KLC1: variants seen among roughly 807,000 people sequenced by gnomAD.
KLC1 encodes kinesin 2 60/70kDa.
A neutral mutation model predicts 84.2 loss-of-function variants in KLC1; 30 were observed. The ratio of observed to expected loss-of-function variants is 0.36; its 90% CI spans 0.27 to 0.48. The LOEUF is 0.48. Ranked by LOEUF, KLC1 falls within the 20% of genes least tolerant of loss-of-function variation. The probability of loss-of-function intolerance (pLI) is 0.99; values close to 1 mark genes in which losing one functional copy is unlikely to be tolerated. For missense variants in KLC1, 499 were observed against 805.4 expected, an observed-to-expected ratio of 0.62 and a Z score of 4.60; for synonymous variants, 289 against 293.3, an observed-to-expected ratio of 0.99 and a Z score of 0.15.
At chr14:103,667,148 G>A (rs977842548) in intron 5 of KLC1, among the ~76,000 whole-genome samples, 2 of 151,594 alleles carry the variant, frequency 1.3e-5, no homozygotes, top group African/African-American at 4.9e-5. Context: ...TTTCACTCTT[G>A]TTGGCCAGGC....
At chr14:103,689,806 A>G (rs1215002755) in intron 14 of KLC1, among the ~76,000 whole-genome samples, 2 of 152,256 alleles carry the variant, frequency 1.3e-5, no homozygotes, top group African/African-American at 2.4e-5. Flanking sequence ...CAAGAGTGGT[A>G]GGAAGAGACG....
intron 15 of KLC1, chr14:103,696,945 G>A (rs6593): frequency 0.35 from 349,711 of 985,206 alleles, 63,379 homozygotes; most frequent in Middle Eastern, 0.37. Context: ...TCCCTGGGAC[G>A]GGAAGCCCCT....
At chr14:103,629,967 C>A (rs2076548499) in intron 1 of KLC1, among the ~76,000 whole-genome samples, 1 of 152,162 alleles carries the variant, frequency 6.6e-6, no homozygotes, top group East Asian at 1.9e-4. Flanking sequence ...CTGGCTTTGT[C>A]CGATTCCTCC....
At position 103,649,800 on chromosome 14, in the gene KLC1, A is replaced by G. The variant is rs567740938; in HGVS notation, c.-1-4764A>G. On this transcript the variant is annotated intron_variant, in intron 1 of 16. Transcript: ENST00000334553. Reference sequence around the variant, plus strand: ...AAGCTTCGTCTCCCGGGTTCACGCCATTCTCCTGCCTCAGCCTCCGGAGTA... The same window carrying G: ...AAGCTTCGTCTCCCGGGTTCACGCCGTTCTCCTGCCTCAGCCTCCGGAGTA... Among the ~76,000 whole-genome samples the G allele has an allele frequency of 2.7e-5, 4 of 150,432 alleles. No individual in the cohort carries two copies. In the South Asian group the frequency reaches 8.3e-4, roughly 31 times the overall value.
At position 103,699,046 on chromosome 14, in the gene KLC1, G is replaced by A. The variant is rs56225499; in HGVS notation, c.1849-1609G>A. 5.0e-5 allele frequency: 79 copies of A among 1,567,542 alleles called. 1 individual carries two copies. In the African/African-American group the frequency reaches 7.6e-4, roughly 15 times the overall value. ...AGAAACAGGAAGCAGGCAAGCTGGCGCTCAGGCTTGGTGGCCCCGCCCACT... is the reference window on the plus strand; with the variant it reads ...AGAAACAGGAAGCAGGCAAGCTGGCACTCAGGCTTGGTGGCCCCGCCCACT... On this transcript the variant is annotated intron_variant, in intron 15 of 16. Coordinates refer to ENST00000334553, the MANE Select transcript of KLC1 (RefSeq NM_001394837.1).
intron 5 of KLC1, 67 bp from the exon 6 acceptor site, chr14:103,669,444 A>G: frequency 2.0e-6 from 2 of 992,426 alleles, no homozygotes; most frequent in Non-Finnish European, 3.1e-6. Flanking sequence ...AAAAAAAAGA[A>G]AAGAAAAGAA....
chr14:103,673,037 T>C lies in KLC1; in HGVS notation c.1011T>C (p.Asp337=). The C allele has an allele frequency of 1.2e-6, 2 of 1,614,092 alleles. No individual in the cohort carries two copies. Among genetic ancestry groups the C allele is most frequent in the Non-Finnish European group, 1.7e-6 (2 of 1,180,022 alleles). Residue 337 remains aspartate, a synonymous_variant, in exon 8 of 17, where the codon GAT becomes GAC. Coordinates refer to ENST00000334553, the MANE Select transcript of KLC1 (RefSeq NM_001394837.1). ...AGGTTTTGGGGAAGGATCACCCCGA[T>C]GTTGCCAAGCAGTTAAATAACTTGG... The part of the protein sequence containing the change: ...REKVLGKDHP[D]VAKQLNNLAL...
In KLC1 at chr14:103,694,005, A is replaced by T. The variant is rs1358239791; in HGVS notation, c.1848+1580A>T. 1.9e-6 allele frequency: 2 copies of T among 1,038,742 alleles called. No homozygotes were observed. Among genetic ancestry groups the T allele is most frequent in the African/African-American group, 1.7e-5 (1 of 59,052 alleles). The allele number at this position is 1,038,742 out of a possible 1,614,324, so 64.3% of individuals were successfully genotyped here. A position where few individuals can be genotyped will look rare whatever the true frequency, so the allele number is the denominator to read the frequency against. On this transcript the variant is annotated intron_variant, in intron 15 of 16. Coordinates refer to ENST00000334553, the MANE Select transcript of KLC1 (RefSeq NM_001394837.1). The surrounding 1 kb of genome is among the most constrained non-coding windows in gnomAD (Gnocchi z 4.5). ...ATTGTAATATTGTAATAAGGCTGTA[A>T]ATTAAGAATCTGGAAACATAAAGTA...
At chr14:103,680,883 A>G (rs2081291598) in intron 13 of KLC1, among the ~76,000 whole-genome samples, 1 of 152,232 alleles carries the variant, frequency 6.6e-6, no homozygotes, top group East Asian at 1.9e-4. Context: ...CAGTATTTCT[A>G]GGTCCATGTT....
chr14:103,700,397 C>T (rs2083069538), intron 15 of KLC1: 1 of 427,078 alleles, frequency 2.3e-6, no homozygotes, highest in East Asian at 4.0e-5. Flanking sequence ...CATGGCTGGC[C>T]TGGCCTCTGA....
At chr14:103,679,609 T>G in intron 13 of KLC1, 64 bp downstream of exon 13, 1 of 1,267,358 alleles carries the variant, frequency 7.9e-7, no homozygotes. Context: ...TTGCCAGGCC[T>G]TCCTCCTGTC....
At chr14:103,699,385 G>A in intron 15 of KLC1, 1 of 1,610,204 alleles carries the variant, frequency 6.2e-7, no homozygotes, top group Non-Finnish European at 8.5e-7. Context: ...ACAGCACAGG[G>A]CTCTGGAAGG....
At chr14:103,651,451 GTTTAAC>G (rs981016927) in intron 1 of KLC1, among the ~76,000 whole-genome samples, 26 of 152,160 alleles carry the variant, frequency 1.7e-4, no homozygotes, top group African/African-American at 5.8e-4. Context: ...GAGTGTAGGA[GTTTAAC>G]TTTATTTTAT....
At chr14:103,682,093 G>C (rs115092896) in intron 13 of KLC1, among the ~76,000 whole-genome samples, 2 of 151,984 alleles carry the variant, frequency 1.3e-5, no homozygotes, top group South Asian at 4.1e-4. Flanking sequence ...ATACCTTGCC[G>C]GGCGCGGTGG....
Position 103,662,703 on chromosome 14 carries a change from C to G in KLC1, c.573C>G (p.Ile191Met), listed in dbSNP as rs779679227. 5 of 1,577,344 alleles carry G rather than the reference C, an allele frequency of 3.2e-6. No individual in the cohort carries two copies. Among genetic ancestry groups the G allele is most frequent in the Non-Finnish European group, 4.3e-6 (5 of 1,162,508 alleles). ...PNDEDDPGQG[I>M]QQQHSSAAAA... is the part of the protein sequence containing the mutation. Reference sequence around the variant, plus strand: ...CTGAAGTGAACTTTCTCGGTGCAGTCCAGCAGCAGCACAGCAGTGCAGCCG... The same window carrying G: ...CTGAAGTGAACTTTCTCGGTGCAGTGCAGCAGCAGCACAGCAGTGCAGCCG... Residue 191 changes from isoleucine (I) to methionine (M), a missense_variant and splice_region_variant, in exon 5 of 17, where the codon ATC becomes ATG. Physicochemically the swap from Ile to Met is conservative, Grantham distance 10. Coordinates refer to ENST00000334553, the MANE Select transcript of KLC1 (RefSeq NM_001394837.1).
At chr14:103,699,352 C>T (rs369703243) in intron 15 of KLC1, 64 of 1,594,338 alleles carry the variant, frequency 4.0e-5, no homozygotes, top group Non-Finnish European at 5.3e-5. Flanking sequence ...GCAACCCTGC[C>T]TTGGTGCTCA....
chr14:103,662,417 C>T (rs977935661), intron 4 of KLC1, among the ~76,000 whole-genome samples: 1 of 152,008 alleles, frequency 6.6e-6, no homozygotes, highest in Non-Finnish European at 1.5e-5. Context: ...GCAGTTCAGG[C>T]GTGGTCTGCA....
rs565461444 is a variant in KLC1 at position 103,701,294 on chromosome 14, G to A, written c.*95G>A. 15 of 1,337,554 alleles carry A rather than the reference G, an allele frequency of 1.1e-5. No homozygotes were observed. The highest frequency in any genetic ancestry group is 2.5e-5 in the East Asian group (1 of 39,896). 82.9% of individuals were successfully genotyped at this position (1,337,554 alleles called of 1,614,324 possible). On this transcript the variant is annotated 3_prime_UTR_variant, in exon 17 of 17. Transcript: ENST00000334553. ...AGGGCGGCAGGGAGGGCCCCTGGCCGGGAGCCGCAGCGCTCACTCATTTCT... is the reference window on the plus strand; with the variant it reads ...AGGGCGGCAGGGAGGGCCCCTGGCCAGGAGCCGCAGCGCTCACTCATTTCT...
chr14:103,657,906 T>C (rs1457545282), intron 3 of KLC1, 130 bp downstream of exon 3: 3 of 726,722 alleles, frequency 4.1e-6, no homozygotes, highest in Non-Finnish European at 4.6e-6. Flanking sequence ...CAAAAATGTT[T>C]TGTAAATATA....
Sources: allele counts gnomAD v4.1 joint callset (sites outside exome capture counted in the v4.1 genomes callset), GRCh38; gene constraint gnomAD v4.1.1; non-coding constraint Gnocchi (gnomAD v3.1); transcripts MANE v1.5; gene names NCBI Gene and HGNC (gene_info 2026-07-23, HGNC 2026-07-21).